The following CACNB2 variants were observed in gnomAD, a reference collection of about 807,000 sequenced individuals.
CACNB2 encodes calcium voltage-gated channel auxiliary subunit beta 2.
A neutral mutation model predicts 73.3 loss-of-function variants in CACNB2; 42 were observed. That is an observed-to-expected ratio of 0.57 (90% CI 0.45 to 0.74). The LOEUF (loss-of-function observed/expected upper bound fraction) is 0.74. Ranked by LOEUF, CACNB2 falls within the 30% of genes least tolerant of loss-of-function variation. The pLI, the probability that CACNB2 is intolerant of heterozygous loss-of-function variation, is 0.00. For synonymous variants in CACNB2, 348 were observed against 310.3 expected, an observed-to-expected ratio of 1.12 and a Z score of -1.28; for missense variants, 940 against 853.0, an observed-to-expected ratio of 1.10 and a Z score of -1.27.
chr10:18,364,715 C>A, intron 2 of CACNB2, among the ~76,000 whole-genome samples: 1 of 152,294 alleles, frequency 6.6e-6, no homozygotes, highest in Middle Eastern at 3.4e-3. Flanking sequence ...GCATTTGTTG[C>A]CACCGTTTCT....
chr10:18,503,614 T>G (rs1270506681), intron 5 of CACNB2, among the ~76,000 whole-genome samples: 2 of 152,164 alleles, frequency 1.3e-5, no homozygotes, highest in African/African-American at 4.8e-5. Flanking sequence ...AGAACCACCT[T>G]ATATGGAAAC....
intron 3 of CACNB2, among the ~76,000 whole-genome samples, chr10:18,458,322 A>T (rs1475526130): frequency 2.0e-5 from 3 of 152,220 alleles, no homozygotes; most frequent in African/African-American, 7.2e-5. Flanking sequence ...GAAATGTGAA[A>T]ATTTTATTCT....
rs191664306 is a variant in CACNB2, at chr10:18,382,570, C to T, written c.214-19354C>T. 1.1e-3 allele frequency among the ~76,000 whole-genome samples: 161 copies of T among 152,118 alleles called. 1 individual carries two copies. Among genetic ancestry groups the T allele is most frequent in the African/African-American group, 3.7e-3 (152 of 41,498 alleles). ...CCACCCACCAACAGGCCCCAGTGTG[C>T]GTTGTTCCCCTCCCTGTGTCCGTGT... On this transcript the variant is annotated intron_variant, in intron 2 of 13. Transcript: ENST00000324631.
intron 2 of CACNB2, among the ~76,000 whole-genome samples, chr10:18,170,129 T>C (rs1156427755): frequency 1.3e-5 from 2 of 152,212 alleles, no homozygotes; most frequent in Non-Finnish European, 2.9e-5. Flanking sequence ...TGTGACCCAC[T>C]GATGGGCCTG....
chr10:18,521,682 T>C (rs556542503), intron 9 of CACNB2, among the ~76,000 whole-genome samples: 2 of 152,336 alleles, frequency 1.3e-5, no homozygotes, highest in Admixed American at 6.5e-5. Flanking sequence ...GGTGCCATCA[T>C]TGAATGTTAA....
At chr10:18,448,476 A>ATT in intron 3 of CACNB2, among the ~76,000 whole-genome samples, 1 of 60,188 alleles carries the variant, frequency 1.7e-5, no homozygotes, top group South Asian at 5.3e-4. Context: ...ACTCTCTCTC[A>ATT]TTTAAAAAAA....
intron 2 of CACNB2, among the ~76,000 whole-genome samples, chr10:18,370,734 A>C (rs2042545344): frequency 6.6e-6 from 1 of 152,242 alleles, no homozygotes; most frequent in Admixed American, 6.5e-5. Flanking sequence ...GGCATTAAAA[A>C]AGTAATCCAA....
chr10:18,346,682 C>T (rs1411266431), intron 2 of CACNB2, among the ~76,000 whole-genome samples: 1 of 151,862 alleles, frequency 6.6e-6, no homozygotes, highest in Non-Finnish European at 1.5e-5. Flanking sequence ...CTGCAACCTC[C>T]GCCTCCCAGG....
intron 2 of CACNB2, among the ~76,000 whole-genome samples, chr10:18,179,542 A>C (rs1332464939): frequency 6.6e-6 from 1 of 152,014 alleles, no homozygotes; most frequent in African/African-American, 2.4e-5. Context: ...TAATACATGC[A>C]TGTTTATCTT....
intron 2 of CACNB2, among the ~76,000 whole-genome samples, chr10:18,378,670 C>G (rs2031570): frequency 0.55 from 84,193 of 151,900 alleles, 23,891 homozygotes; most frequent in East Asian, 0.91. Flanking sequence ...AGGATCGGTT[C>G]AGCCCAGAAG....
intron 1 of CACNB2, among the ~76,000 whole-genome samples, chr10:18,142,879 T>C (rs2030565651): frequency 6.6e-6 from 1 of 152,204 alleles, no homozygotes; most frequent in Non-Finnish European, 1.5e-5. Flanking sequence ...GTAAATGGCT[T>C]CAAAGGAATA....
intron 3 of CACNB2, among the ~76,000 whole-genome samples, chr10:18,453,940 C>T (rs2047139679): frequency 6.6e-6 from 1 of 152,172 alleles, no homozygotes; most frequent in East Asian, 1.9e-4. Context: ...CAGCTGATTA[C>T]TTGTCTGTTT....
At chr10:18,418,264 G>A (rs1589293265) in intron 3 of CACNB2, among the ~76,000 whole-genome samples, 2 of 152,142 alleles carry the variant, frequency 1.3e-5, no homozygotes, top group African/African-American at 4.8e-5. Flanking sequence ...TAGTAGCAAT[G>A]GGGTTTCACG....
intron 2 of CACNB2, among the ~76,000 whole-genome samples, chr10:18,158,870 C>T (rs1482475682): frequency 6.6e-6 from 1 of 152,092 alleles, no homozygotes; most frequent in Non-Finnish European, 1.5e-5. Flanking sequence ...TGTATAAATT[C>T]TTTGATGCTG....
At chr10:18,320,492 T>A (rs1172863242) in intron 2 of CACNB2, among the ~76,000 whole-genome samples, 3 of 152,184 alleles carry the variant, frequency 2.0e-5, no homozygotes, top group Admixed American at 6.5e-5. Flanking sequence ...ATTAAGTCTT[T>A]GCATGAAAAA....
intron 3 of CACNB2, among the ~76,000 whole-genome samples, chr10:18,498,065 A>G (rs2133007502): frequency 6.6e-6 from 1 of 151,658 alleles, no homozygotes; most frequent in Admixed American, 6.5e-5. Context: ...TACAAGCGCC[A>G]ATGTTGAAAA....
At chr10:18,328,700 T>C (rs11013641) in intron 2 of CACNB2, among the ~76,000 whole-genome samples, 40,063 of 152,020 alleles carry the variant, frequency 0.26, 5,751 homozygotes, top group African/African-American at 0.37. Flanking sequence ...GACTTGTACA[T>C]TGAAGTCGAT....
chr10:18,208,366 C>T (rs1277765), intron 2 of CACNB2, among the ~76,000 whole-genome samples: 116,529 of 152,044 alleles, frequency 0.77, 45,289 homozygotes, highest in Non-Finnish European at 0.84. Context: ...GTCCCAGCTA[C>T]ACTTGGCATG....
At chr10:18,429,617 A>G (rs548065590) in intron 3 of CACNB2, among the ~76,000 whole-genome samples, 69 of 151,030 alleles carry the variant, frequency 4.6e-4, no homozygotes, top group African/African-American at 1.6e-3. Context: ...ACTTGTGCCC[A>G]GGAGTTCAAG....
Sources: allele counts gnomAD v4.1 joint callset (sites outside exome capture counted in the v4.1 genomes callset), GRCh38; gene constraint gnomAD v4.1.1; transcripts MANE v1.5; gene names NCBI Gene and HGNC (gene_info 2026-07-23, HGNC 2026-07-21).